The following ASXL1 variants were observed in gnomAD, a reference collection of about 807,000 sequenced individuals.
ASXL1 encodes polycomb group protein ASXL1.
In ASXL1, 65 loss-of-function variants were observed where a neutral mutation model predicts 89.1. That is an observed-to-expected ratio of 0.73 (90% CI 0.60 to 0.90). The LOEUF is 0.90. ASXL1 is among the 40% of genes least tolerant of loss of function. ASXL1 has a pLI of 0.00. For missense variants in ASXL1, 1,786 were observed against 1,942.9 expected (o/e 0.92, Z 1.52); for synonymous variants, 739 against 746.9 (o/e 0.99, Z 0.17).
At chr20:32,358,885 G>C (rs1011190827) in intron 1 of ASXL1, 53 bp downstream of exon 1, 134 of 1,432,278 alleles carry the variant, frequency 9.4e-5, no homozygotes, top group South Asian at 1.4e-4. Flanking sequence ...GGGGGGGCTC[G>C]CCGCGCACCC....
chr20:32,385,601 AT>A (rs1416525637), intron 4 of ASXL1, among the ~76,000 whole-genome samples: 2 of 151,856 alleles, frequency 1.3e-5, no homozygotes, highest in Non-Finnish European at 2.9e-5. Flanking sequence ...TGTCCTGACA[AT>A]TCTACTTCTA....
chr20:32,418,981 C>T (rs189810731), intron 4 of ASXL1, among the ~76,000 whole-genome samples: 5 of 151,680 alleles, frequency 3.3e-5, no homozygotes, highest in South Asian at 2.1e-4. Flanking sequence ...TACAGGTGCA[C>T]GCCACCATGT....
chr20:32,396,049 T>C (rs1306438470), intron 4 of ASXL1, among the ~76,000 whole-genome samples: 5 of 152,186 alleles, frequency 3.3e-5, no homozygotes, highest in Non-Finnish European at 5.9e-5. Context: ...TCCACCTGCC[T>C]CAGCCTCCTA....
intron 4 of ASXL1, among the ~76,000 whole-genome samples, chr20:32,395,886 C>T (rs778249158): frequency 6.6e-6 from 1 of 152,176 alleles, no homozygotes; most frequent in Non-Finnish European, 1.5e-5. Context: ...GCAACCTCCG[C>T]TTCCCAGGTT....
At chr20:32,416,156 T>G (rs1311918024) in intron 4 of ASXL1, among the ~76,000 whole-genome samples, 1 of 152,204 alleles carries the variant, frequency 6.6e-6, no homozygotes, top group Non-Finnish European at 1.5e-5. Context: ...ATAGACATTT[T>G]TCTTTGTGTT....
chr20:32,370,349 C>T (rs2048281776), intron 4 of ASXL1, among the ~76,000 whole-genome samples: 1 of 151,702 alleles, frequency 6.6e-6, no homozygotes, highest in Non-Finnish European at 1.5e-5. Context: ...TTGTCTTAAC[C>T]ACTCAGGTCT....
chr20:32,433,523 T>C lies in ASXL1; in HGVS notation c.1325T>C (p.Val442Ala). The C allele has an allele frequency of 6.2e-7, 1 of 1,614,202 alleles. No homozygotes were observed. Among genetic ancestry groups the C allele is most frequent in the Non-Finnish European group, 8.5e-7 (1 of 1,180,036 alleles). Residue 442 changes from valine (V) to alanine (A), a missense_variant, in exon 12 of 13, where the codon GTG (valine) becomes GCG (alanine). This residue lies in a region of ASXL1 where 1,418 missense variants were observed against 1,427.8 expected (regional missense o/e 0.99). Transcript: ENST00000375687. ...GGGGTTGCTAAGGATGCAAAATCTG[T>C]GGCCTCAGATGTTCCCCTCTACAAG... ...QAGVAKDAKS[V>A]ASDVPLYKDG... is the part of the protein sequence containing the mutation.
At chr20:32,398,047 A>AT (rs1469774826) in intron 4 of ASXL1, among the ~76,000 whole-genome samples, 1 of 152,178 alleles carries the variant, frequency 6.6e-6, no homozygotes, top group Non-Finnish European at 1.5e-5. Flanking sequence ...GCCTTATAGT[A>AT]TCTAGTTAAA....
chr20:32,384,604 G>A (rs929765465), intron 4 of ASXL1, among the ~76,000 whole-genome samples: 4 of 152,170 alleles, frequency 2.6e-5, no homozygotes, highest in East Asian at 1.9e-4. Context: ...GGGGTATTCC[G>A]TTGTCAGTAT....
In ASXL1 at chr20:32,434,622, C is replaced by G. The variant is rs769053835; in HGVS notation, c.1910C>G (p.Ala637Gly). Reference sequence around the variant, plus strand: ...GGTCACCACTGCCATAGAGAGGCGGCCACCACTGCCATCGGAGGGGGGGGT... The same window carrying G: ...GGTCACCACTGCCATAGAGAGGCGGGCACCACTGCCATCGGAGGGGGGGGT... ...ARGHHCHREA[A>G]TTAIGGGGGP... Residue 637 changes from alanine to glycine, a missense_variant, in exon 13 of 13, where the codon GCC (alanine) becomes GGC (glycine). By Grantham distance (60) the Ala-to-Gly change is moderately conservative. Coordinates refer to ENST00000375687, the MANE Select transcript of ASXL1 (RefSeq NM_015338.6). 35 of 1,608,932 alleles carry G rather than the reference C, an allele frequency of 2.2e-5. 2 individuals are homozygous for G. Among genetic ancestry groups the G allele is most frequent in the Middle Eastern group, 3.3e-4 (2 of 6,070 alleles).
rs1403128477 is a variant in ASXL1 at position 32,428,163 on chromosome 20, A to C, written c.288A>C (p.Thr96=). ...TGCAGTGGTCTCGCCATCCAGCTAC[A>C]GTGGAGGGAGAGGAGCCAGAGGACA... ...DALQWSRHPA[T]VEGEEPEDTA... Residue 96 remains threonine (T), a synonymous_variant, in exon 5 of 13, where the codon ACA becomes ACC. Transcript: ENST00000375687. 1.2e-6 allele frequency: 2 copies of C among 1,613,824 alleles called. No individual in the cohort carries two copies.
chr20:32,429,264 A>T lies in ASXL1; in HGVS notation c.472-74A>T, dbSNP rs749227979. 2.1e-5 allele frequency: 30 copies of T among 1,404,146 alleles called. No individual in the cohort carries two copies. The highest frequency in any genetic ancestry group is 3.0e-5 in the Non-Finnish European group (30 of 1,002,530). 87.0% of individuals were successfully genotyped at this position (1,404,146 alleles called of 1,614,324 possible). ...TCATTTTACAAGAGCGTGAGTAGAG[A>T]TAGTGTCGCCAGGGAATGCTTTTGT... On this transcript the variant is annotated intron_variant, in intron 6 of 12. Transcript: ENST00000375687. The surrounding 1 kb of genome is among the most constrained non-coding windows in gnomAD (Gnocchi z 4.9).
chr20:32,377,130 AAT>A (rs902188909), intron 4 of ASXL1, among the ~76,000 whole-genome samples: 3 of 142,596 alleles, frequency 2.1e-5, no homozygotes, highest in Admixed American at 7.4e-5. Context: ...ATATTAATAT[AAT>A]ATATATTATA....
chr20:32,435,450 C>A lies in ASXL1; in HGVS notation c.2738C>A (p.Pro913Gln). 6.2e-7 allele frequency: 1 copy of A among 1,614,064 alleles called. No homozygotes were observed. Among genetic ancestry groups the A allele is most frequent in the Non-Finnish European group, 8.5e-7 (1 of 1,180,016 alleles). Residue 913 changes from proline (P) to glutamine (Q), a missense_variant, in exon 13 of 13, where the codon CCA becomes CAA. By Grantham distance (76) the Pro-to-Gln change is moderately conservative. This residue lies in a region of ASXL1 where 1,418 missense variants were observed against 1,427.8 expected (regional missense o/e 0.99). Coordinates refer to ENST00000375687, the MANE Select transcript of ASXL1 (RefSeq NM_015338.6). Reference sequence around the variant, plus strand: ...GATGAGGTAGTGAAACAGCCCAAACCAGAATCCAGAGAACACATACCATCT... The same window carrying A: ...GATGAGGTAGTGAAACAGCCCAAACAAGAATCCAGAGAACACATACCATCT... ...SNDEVVKQPK[P>Q]ESREHIPSVE...
chr20:32,358,350 C>G lies in ASXL1; in HGVS notation c.-426C>G, dbSNP rs1231735470. On this transcript the variant is annotated 5_prime_UTR_variant, in exon 1 of 13. Coordinates refer to ENST00000375687, the MANE Select transcript of ASXL1 (RefSeq NM_015338.6). ...CTCTTCACACACACTCACACACACC[C>G]ACGGCAGACACGCACGCACCCGGGC... The G allele has an allele frequency of 4.3e-6, 1 of 233,844 alleles. No homozygotes were observed. Among genetic ancestry groups the G allele is most frequent in the East Asian group, 6.0e-5 (1 of 16,654 alleles). 14.5% of individuals were successfully genotyped at this position (233,844 alleles called of 1,614,324 possible). A position where few individuals can be genotyped will look rare whatever the true frequency, so the allele number is the denominator to read the frequency against.
In ASXL1 at chr20:32,437,549, T is replaced by C; in HGVS notation, c.*211T>C. The C allele has an allele frequency of 1.5e-6, 1 of 676,510 alleles. No individual in the cohort carries two copies. The highest frequency in any genetic ancestry group is 4.4e-4 in the Middle Eastern group (1 of 2,288). The allele number at this position is 676,510 out of a possible 1,614,324, so 41.9% of individuals were successfully genotyped here. A position where few individuals can be genotyped will look rare whatever the true frequency, so the allele number is the denominator to read the frequency against. On this transcript the variant is annotated 3_prime_UTR_variant, in exon 13 of 13. Coordinates refer to ENST00000375687, the MANE Select transcript of ASXL1 (RefSeq NM_015338.6). ...GTTTCCTGGGTATAACCCATTGGGCTGCCCAAGGCCAGCCAGCCTGAGCTC... is the reference window on the plus strand; with the variant it reads ...GTTTCCTGGGTATAACCCATTGGGCCGCCCAAGGCCAGCCAGCCTGAGCTC...
chr20:32,359,230 G>C, intron 1 of ASXL1: 1 of 701,194 alleles, frequency 1.4e-6, no homozygotes, highest in South Asian at 1.5e-5. Flanking sequence ...CTCCTCCCTC[G>C]CTTCCTGGTG....
At chr20:32,408,059 T>C (rs970955889) in intron 4 of ASXL1, among the ~76,000 whole-genome samples, 7 of 152,114 alleles carry the variant, frequency 4.6e-5, no homozygotes, top group African/African-American at 1.7e-4. Context: ...TACCTCAGCC[T>C]CCTGAGTAGC....
chr20:32,423,658 C>G (rs1357238323), intron 4 of ASXL1, among the ~76,000 whole-genome samples: 1 of 152,274 alleles, frequency 6.6e-6, no homozygotes, highest in East Asian at 1.9e-4. Context: ...TCAAGCGATC[C>G]TCCTGCCACA....
Sources: gnomAD v4.1 joint callset for allele counts (sites outside exome capture counted in the v4.1 genomes callset) on GRCh38, gnomAD v4.1.1 for gene constraint, gnomAD v4.1.1 regional missense constraint, Gnocchi (gnomAD v3.1) non-coding constraint, MANE v1.5 for transcripts, NCBI Gene and HGNC (gene_info 2026-07-23, HGNC 2026-07-21) for gene names.